The following PPP3CA variants were observed in gnomAD, a reference collection of about 807,000 sequenced individuals.
PPP3CA encodes protein phosphatase 3 catalytic subunit alpha.
Under a neutral mutation model 66.5 loss-of-function variants are expected in PPP3CA, and 14 were observed. The ratio of observed to expected loss-of-function variants is 0.21; its 90% CI spans 0.14 to 0.33. PPP3CA has a LOEUF of 0.33. Among genes scored for constraint, PPP3CA ranks in the 10% least tolerant of loss-of-function variants. The pLI is 1.00. For missense variants in PPP3CA, 317 were observed against 639.5 expected (o/e 0.50, Z 5.44); for synonymous variants, 232 against 226.2 (o/e 1.03, Z -0.23).
At chr4:101,084,779 G>GA (rs1341019202) in intron 6 of PPP3CA, among the ~76,000 whole-genome samples, 2 of 152,160 alleles carry the variant, frequency 1.3e-5, no homozygotes, top group Admixed American at 1.3e-4. Flanking sequence ...TTTTGTAAGA[G>GA]AAAGGGAGAA....
chr4:101,207,890 T>C (rs889789388), intron 1 of PPP3CA, among the ~76,000 whole-genome samples: 16 of 151,444 alleles, frequency 1.1e-4, no homozygotes, highest in African/African-American at 3.6e-4. Context: ...TAAGCACATA[T>C]ATAATGGCAA....
At chr4:101,038,064 C>T (rs1727331594) in intron 11 of PPP3CA, among the ~76,000 whole-genome samples, 1 of 152,186 alleles carries the variant, frequency 6.6e-6, no homozygotes, top group African/African-American at 2.4e-5. Flanking sequence ...ACCTTGCAAG[C>T]TTCCTGTGTC....
chr4:101,126,097 T>C (rs1305865040), intron 2 of PPP3CA, among the ~76,000 whole-genome samples: 3 of 152,202 alleles, frequency 2.0e-5, no homozygotes, highest in African/African-American at 7.2e-5. Flanking sequence ...GCTAGAATAA[T>C]GCATGAGTTA....
rs548554971 is a variant in PPP3CA at position 101,343,741 on chromosome 4, G to A, written c.58+2998C>T. 2.4e-4 allele frequency among the ~76,000 whole-genome samples: 36 copies of A among 152,150 alleles called. No homozygotes were observed. The South Asian group carries it at 7.5e-3, about 32-fold the overall frequency. ...TTTCATTTTTAAGGTTTAGAAAACCGATCAGGGTCTCTGAATACATGCTAG... is the reference window on the plus strand; with the variant it reads ...TTTCATTTTTAAGGTTTAGAAAACCAATCAGGGTCTCTGAATACATGCTAG... On this transcript the variant is annotated intron_variant, in intron 1 of 13. Transcript: ENST00000394854.
intron 1 of PPP3CA, among the ~76,000 whole-genome samples, chr4:101,306,997 G>C (rs1728555164): frequency 6.6e-6 from 1 of 152,104 alleles, no homozygotes; most frequent in Non-Finnish European, 1.5e-5. Flanking sequence ...TTATATCTGA[G>C]GGAATGCATG....
At chr4:101,263,594 T>TA (rs1023938756) in intron 1 of PPP3CA, among the ~76,000 whole-genome samples, 2 of 99,642 alleles carry the variant, frequency 2.0e-5, no homozygotes, top group Non-Finnish European at 4.9e-5. Context: ...TGATATCTAG[T>TA]GTTTTTTTTT....
chr4:101,176,179 A>G (rs939860196), intron 2 of PPP3CA, among the ~76,000 whole-genome samples: 5 of 152,162 alleles, frequency 3.3e-5, no homozygotes, highest in African/African-American at 1.2e-4. Flanking sequence ...TGCTTTATTT[A>G]AAGGTCAGTA....
At chr4:101,048,982 G>A (rs1314054157) in intron 10 of PPP3CA, among the ~76,000 whole-genome samples, 2 of 152,062 alleles carry the variant, frequency 1.3e-5, no homozygotes, top group Non-Finnish European at 1.5e-5. Context: ...GGATTTTAAG[G>A]AAGGCCAGAA....
intron 1 of PPP3CA, among the ~76,000 whole-genome samples, chr4:101,248,167 T>C (rs1326441997): frequency 2.0e-5 from 3 of 152,208 alleles, no homozygotes; most frequent in Non-Finnish European, 2.9e-5. Flanking sequence ...ACATGACCAA[T>C]ACTTCGTTCC....
intron 1 of PPP3CA, among the ~76,000 whole-genome samples, chr4:101,302,707 A>C (rs1728418119): frequency 6.6e-6 from 1 of 152,160 alleles, no homozygotes; most frequent in South Asian, 2.1e-4. Flanking sequence ...TAATCTAAAA[A>C]ACCAGTTAAT....
chr4:101,041,317 T>A (rs921478462), intron 10 of PPP3CA, among the ~76,000 whole-genome samples: 1 of 152,080 alleles, frequency 6.6e-6, no homozygotes, highest in Non-Finnish European at 1.5e-5. Flanking sequence ...CAAATAAACA[T>A]ATTATTTTAA....
chr4:101,061,906 G>A (rs527520434), intron 9 of PPP3CA, among the ~76,000 whole-genome samples: 15 of 152,114 alleles, frequency 9.9e-5, no homozygotes, highest in Admixed American at 2.6e-4. Context: ...AAAGAAGCCT[G>A]TCTACTGCTT....
chr4:101,312,190 A>G (rs1728743107), intron 1 of PPP3CA, among the ~76,000 whole-genome samples: 1 of 152,170 alleles, frequency 6.6e-6, no homozygotes, highest in Non-Finnish European at 1.5e-5. Flanking sequence ...ATACATGCAT[A>G]TATGTATTAT....
intron 10 of PPP3CA, among the ~76,000 whole-genome samples, chr4:101,056,068 T>A (rs1329039636): frequency 6.6e-6 from 1 of 152,144 alleles, no homozygotes; most frequent in Non-Finnish European, 1.5e-5. Flanking sequence ...TAACCACATG[T>A]GGTGGGAAGT....
At chr4:101,075,701 C>T (rs1729156611) in intron 8 of PPP3CA, among the ~76,000 whole-genome samples, 1 of 152,102 alleles carries the variant, frequency 6.6e-6, no homozygotes, top group Non-Finnish European at 1.5e-5. Context: ...TTCACATCTG[C>T]CACTCTATTT....
At chr4:101,171,182 TC>T (rs762139281) in intron 2 of PPP3CA, 1 of 455,990 alleles carries the variant, frequency 2.2e-6, no homozygotes, top group South Asian at 1.5e-5. Context: ...TTGAAAGCCA[TC>T]CGTTTTTACC....
At chr4:101,167,626 A>C (rs1723734663) in intron 2 of PPP3CA, among the ~76,000 whole-genome samples, 1 of 152,170 alleles carries the variant, frequency 6.6e-6, no homozygotes, top group Admixed American at 6.6e-5. Context: ...GGAGATTATA[A>C]TCTAGGGGTG....
At chr4:101,215,036 A>G (rs1313021251) in intron 1 of PPP3CA, among the ~76,000 whole-genome samples, 2 of 152,046 alleles carry the variant, frequency 1.3e-5, no homozygotes, top group African/African-American at 4.8e-5. Context: ...ATAACAATGT[A>G]CCTCTTTGTT....
intron 1 of PPP3CA, among the ~76,000 whole-genome samples, chr4:101,315,280 C>T (rs958576536): frequency 2.0e-5 from 3 of 152,202 alleles, no homozygotes; most frequent in Non-Finnish European, 2.9e-5. Flanking sequence ...GCCTCCAGAA[C>T]TGTGAGAGAT....
Sources: gnomAD v4.1 joint callset for allele counts (sites outside exome capture counted in the v4.1 genomes callset) on GRCh38, gnomAD v4.1.1 for gene constraint, MANE v1.5 for transcripts, NCBI Gene and HGNC (gene_info 2026-07-23, HGNC 2026-07-21) for gene names.